The following LRRTM4 variants were observed in gnomAD, a reference collection of about 807,000 sequenced individuals.
The protein encoded by LRRTM4 is leucine rich repeat transmembrane neuronal 4.
LRRTM4 carries 25 observed loss-of-function variants against 47.6 expected under a neutral mutation model. That is an observed-to-expected ratio of 0.53 (90% CI 0.38 to 0.73). The LOEUF is 0.73. Among genes scored for constraint, LRRTM4 ranks in the 30% least tolerant of loss-of-function variants. LRRTM4 has a pLI of 0.00. For missense variants in LRRTM4, 638 were observed against 713.4 expected, an observed-to-expected ratio of 0.89 and a Z score of 1.20; for synonymous variants, 311 against 269.5, an observed-to-expected ratio of 1.15 and a Z score of -1.51.
chr2:76,755,506 C>T (rs1183672735), intron 3 of LRRTM4, among the ~76,000 whole-genome samples: 1 of 152,114 alleles, frequency 6.6e-6, no homozygotes, highest in African/African-American at 2.4e-5. Flanking sequence ...CTCTTAGAAA[C>T]TTCTGCAAGA....
intron 3 of LRRTM4, among the ~76,000 whole-genome samples, chr2:77,305,355 G>T (rs1677243865): frequency 1.3e-5 from 2 of 152,034 alleles, no homozygotes; most frequent in African/African-American, 2.4e-5. Flanking sequence ...CATGTTAAGA[G>T]ATGTGCTTGA....
chr2:77,097,274 T>TC (rs758051856), intron 3 of LRRTM4, among the ~76,000 whole-genome samples: 9 of 151,900 alleles, frequency 5.9e-5, no homozygotes, highest in Non-Finnish European at 1.3e-4. Flanking sequence ...TACTGACCCA[T>TC]CCCCCATTAT....
intron 3 of LRRTM4, among the ~76,000 whole-genome samples, chr2:76,786,475 A>T (rs528667965): frequency 6.6e-6 from 1 of 152,256 alleles, no homozygotes; most frequent in African/African-American, 2.4e-5. Context: ...CTAAAAAAAC[A>T]GTAGTTATAA....
intron 3 of LRRTM4, among the ~76,000 whole-genome samples, chr2:76,818,928 TTTTA>T (rs1670976636): frequency 6.6e-6 from 1 of 151,764 alleles, no homozygotes; most frequent in Non-Finnish European, 1.5e-5. Flanking sequence ...GTAAAGTCAG[TTTTA>T]ATAGTTTTAC....
chr2:77,181,188 T>C (rs2103856792), intron 3 of LRRTM4, among the ~76,000 whole-genome samples: 1 of 152,258 alleles, frequency 6.6e-6, no homozygotes, highest in Admixed American at 6.6e-5. Context: ...GGTCAGGGTC[T>C]GTGACTGGCT....
chr2:76,916,428 T>C (rs1236674482), intron 3 of LRRTM4, among the ~76,000 whole-genome samples: 1 of 134,092 alleles, frequency 7.5e-6, no homozygotes, highest in Admixed American at 7.5e-5. Flanking sequence ...AAAATATGTA[T>C]GGTCAGGAAA....
intron 3 of LRRTM4, among the ~76,000 whole-genome samples, chr2:77,188,588 G>C (rs1178549136): frequency 6.6e-6 from 1 of 152,126 alleles, no homozygotes; most frequent in Admixed American, 6.6e-5. Context: ...TCCTTTAGAT[G>C]CTTCATCCAC....
intron 3 of LRRTM4, among the ~76,000 whole-genome samples, chr2:77,011,521 G>A (rs931790041): frequency 3.4e-5 from 5 of 145,818 alleles, no homozygotes; most frequent in African/African-American, 1.3e-4. Flanking sequence ...TGGCAACTAG[G>A]AAGAAGCATT....
chr2:76,893,586 A>G (rs747003376), intron 3 of LRRTM4, among the ~76,000 whole-genome samples: 2 of 151,118 alleles, frequency 1.3e-5, no homozygotes, highest in Non-Finnish European at 2.9e-5. Context: ...AGTCTAAACT[A>G]AGTCCTCTCC....
intron 3 of LRRTM4, among the ~76,000 whole-genome samples, chr2:77,095,812 C>T (rs1670796605): frequency 6.6e-6 from 1 of 152,140 alleles, no homozygotes; most frequent in Non-Finnish European, 1.5e-5. Flanking sequence ...TGTGCCTGGC[C>T]TCTATACAGC....
chr2:77,128,689 G>C (rs748510095), intron 3 of LRRTM4, among the ~76,000 whole-genome samples: 2 of 152,136 alleles, frequency 1.3e-5, no homozygotes, highest in African/African-American at 2.4e-5. Flanking sequence ...CTGGAGGCTG[G>C]AGTGCAATGG....
chr2:77,364,790 C>CGA (rs1553434770), intron 3 of LRRTM4, among the ~76,000 whole-genome samples: 1 of 151,918 alleles, frequency 6.6e-6, no homozygotes, highest in Non-Finnish European at 1.5e-5. Flanking sequence ...AATCATAAGC[C>CGA]GAACCCTCTC....
chr2:76,851,898 A>G (rs982654807), intron 3 of LRRTM4, among the ~76,000 whole-genome samples: 1 of 151,884 alleles, frequency 6.6e-6, no homozygotes, highest in Non-Finnish European at 1.5e-5. Flanking sequence ...CTATTTGTTA[A>G]TCACACAGGA....
At chr2:76,855,393 C>T (rs1672118985) in intron 3 of LRRTM4, among the ~76,000 whole-genome samples, 1 of 152,160 alleles carries the variant, frequency 6.6e-6, no homozygotes, top group Non-Finnish European at 1.5e-5. Flanking sequence ...TAAATTTTCA[C>T]TTTGTTATAA....
chr2:77,006,561 G>T (rs1005067476), intron 3 of LRRTM4, among the ~76,000 whole-genome samples: 1 of 152,044 alleles, frequency 6.6e-6, no homozygotes, highest in Non-Finnish European at 1.5e-5. Context: ...GGTATAGAGG[G>T]GTAAGAGCTA....
chr2:76,990,163 C>A (rs182326432), intron 3 of LRRTM4, among the ~76,000 whole-genome samples: 1 of 151,680 alleles, frequency 6.6e-6, no homozygotes, highest in African/African-American at 2.4e-5. Context: ...ATAAGTAACA[C>A]CTCTAATCCA....
intron 3 of LRRTM4, among the ~76,000 whole-genome samples, chr2:77,318,161 C>T (rs1423268253): frequency 5.3e-5 from 8 of 151,936 alleles, no homozygotes; most frequent in East Asian, 1.9e-4. Flanking sequence ...CGCCCGCCAC[C>T]ACGCCCCGCT....
chr2:77,329,097 T>A (rs1670881253), intron 3 of LRRTM4, among the ~76,000 whole-genome samples: 1 of 152,208 alleles, frequency 6.6e-6, no homozygotes, highest in Non-Finnish European at 1.5e-5. Context: ...TAAGATAGTT[T>A]GTCCCAAGCT....
At chr2:77,296,715 C>A (rs1676983538) in intron 3 of LRRTM4, among the ~76,000 whole-genome samples, 1 of 152,156 alleles carries the variant, frequency 6.6e-6, no homozygotes, top group Non-Finnish European at 1.5e-5. Context: ...AAGTGCTTTG[C>A]TTCAGGAATT....
Sources: gnomAD v4.1 joint callset for allele counts (sites outside exome capture counted in the v4.1 genomes callset) on GRCh38, gnomAD v4.1.1 for gene constraint, MANE v1.5 for transcripts, NCBI Gene and HGNC (gene_info 2026-07-23, HGNC 2026-07-21) for gene names.